The following GNB1L variants were observed in gnomAD, a reference collection of about 807,000 sequenced individuals.
GNB1L encodes G protein subunit beta 1 like.
GNB1L carries 20 observed loss-of-function variants against 29.1 expected under a neutral mutation model. That is an observed-to-expected ratio of 0.69 (90% CI 0.48 to 1.00). The LOEUF (loss-of-function observed/expected upper bound fraction) is 1.00, where lower values mean the gene tolerates loss of function less well. Among genes scored for constraint, GNB1L ranks in the 50% least tolerant of loss-of-function variants. The pLI is 0.00. For synonymous variants in GNB1L, 193 were observed against 206.5 expected (o/e 0.93, Z 0.56); for missense variants, 421 against 464.9 (o/e 0.91, Z 0.87).
rs1938172748 is a variant in GNB1L at position 19,853,931 on chromosome 22, CCA to C, written c.-21+510_-21+511del. 2.6e-5 allele frequency among the ~76,000 whole-genome samples: 4 copies of C among 152,298 alleles called. No individual in the cohort carries two copies. In the South Asian group the frequency reaches 8.3e-4, roughly 32 times the overall value. On this transcript the variant is annotated intron_variant, in intron 2 of 7. Transcript: ENST00000329517. ...AATGACCACACCCCATGCCCGGGAG[CCA>C]CAGTGTGCTACCCAGATCTCTGCCT...
intron 2 of GNB1L, among the ~76,000 whole-genome samples, chr22:19,821,666 C>G (rs1937580564): frequency 6.6e-6 from 1 of 152,218 alleles, no homozygotes; most frequent in African/African-American, 2.4e-5. Context: ...TCGCACCGTG[C>G]CTGTTGGCCT....
Position 19,852,501 on chromosome 22 carries a change from G to C in GNB1L, c.-21+1942C>G, listed in dbSNP as rs539099171. On this transcript the variant is annotated intron_variant, in intron 2 of 7. Coordinates refer to ENST00000329517, the MANE Select transcript of GNB1L (RefSeq NM_053004.3). ...TCCGAGGCAATCTGTCCAAAGACAAGGTGGGGAAGAGCAGGAACTAGGCCT... is the reference window on the plus strand; with the variant it reads ...TCCGAGGCAATCTGTCCAAAGACAACGTGGGGAAGAGCAGGAACTAGGCCT... The C allele has an allele frequency of 1.7e-4, 94 of 540,606 alleles. No homozygotes were observed. In the South Asian group the frequency reaches 2.5e-3, roughly 14 times the overall value. 33.5% of individuals were successfully genotyped at this position (540,606 alleles called of 1,614,324 possible).
At chr22:19,852,299 T>C (rs764831070) in intron 2 of GNB1L, 1 of 1,564,336 alleles carries the variant, frequency 6.4e-7, no homozygotes, top group Non-Finnish European at 8.7e-7. Context: ...GAGCCAGCAC[T>C]GGTGGGTGGT....
chr22:19,827,775 A>G (rs1056291259), intron 2 of GNB1L, among the ~76,000 whole-genome samples: 3 of 152,206 alleles, frequency 2.0e-5, no homozygotes, highest in East Asian at 1.9e-4. Context: ...TTGGAAAACA[A>G]TCTGACTCCA....
At chr22:19,843,559 C>A (rs937319503) in intron 2 of GNB1L, among the ~76,000 whole-genome samples, 1 of 152,212 alleles carries the variant, frequency 6.6e-6, no homozygotes, top group African/African-American at 2.4e-5. Flanking sequence ...GTATGCCCCC[C>A]AAGAACTCCT....
chr22:19,836,439 A>T (rs1370509457), intron 2 of GNB1L, among the ~76,000 whole-genome samples: 1 of 152,234 alleles, frequency 6.6e-6, no homozygotes, highest in African/African-American at 2.4e-5. Context: ...TTTACTGGCA[A>T]ATTCTACCAA....
intron 2 of GNB1L, among the ~76,000 whole-genome samples, chr22:19,853,213 C>CA (rs1938151123): frequency 6.6e-6 from 1 of 152,090 alleles, no homozygotes; most frequent in African/African-American, 2.4e-5. Context: ...CCAGCCACAG[C>CA]AGAGCATCCC....
Position 19,821,307 on chromosome 22 carries a change from G to A in GNB1L, c.49C>T (p.Arg17Ter), listed in dbSNP as rs1026246637. The change falls in exon 3 of 8, where the codon CGA becomes TGA. Residue 17 changes from arginine (R) to a stop codon, truncating the protein, a stop_gained. Transcript: ENST00000329517. LOFTEE classifies it high-confidence loss of function. ...PPPPDPQFVL[R>*]GTQSPVHALH... ...GCATGCACCGGTGACTGGGTGCCTC[G>A]GAGGACAAACTGGGGGTCTGGAGGT... 14 of 1,613,000 alleles carry A rather than the reference G, an allele frequency of 8.7e-6. No individual in the cohort carries two copies. The highest frequency in any genetic ancestry group is 4.5e-5 in the East Asian group (2 of 44,894).
Position 19,820,588 on chromosome 22 carries a change from G to A in GNB1L, c.254+10C>T. 1 of 1,609,892 alleles carries A rather than the reference G, an allele frequency of 6.2e-7. No individual in the cohort carries two copies. The highest frequency in any genetic ancestry group is 8.5e-7 in the Non-Finnish European group (1 of 1,178,218). ...AGGCCATACCTGGCTCCTGCACCTT[G>A]GAGACCCACCTGAGGAGCTGGCGCC... On this transcript the variant is annotated intron_variant, in intron 4 of 7. Coordinates refer to ENST00000329517, the MANE Select transcript of GNB1L (RefSeq NM_053004.3).
At chr22:19,810,111 A>C (rs1458044512) in intron 5 of GNB1L, among the ~76,000 whole-genome samples, 1 of 152,218 alleles carries the variant, frequency 6.6e-6, no homozygotes, top group Non-Finnish European at 1.5e-5. Flanking sequence ...TATATCAGGA[A>C]GATGGGCTAG....
chr22:19,812,986 C>T (rs764191514), intron 4 of GNB1L, among the ~76,000 whole-genome samples: 1 of 152,198 alleles, frequency 6.6e-6, no homozygotes, highest in Non-Finnish European at 1.5e-5. Flanking sequence ...CCTCTCCACG[C>T]GTACACCTGG....
intron 2 of GNB1L, among the ~76,000 whole-genome samples, chr22:19,845,467 G>C (rs1937941081): frequency 6.6e-6 from 1 of 152,228 alleles, no homozygotes; most frequent in Admixed American, 6.5e-5. Context: ...AGGGGGCAGG[G>C]GAGTCAGATG....
chr22:19,823,695 A>T (rs1465074397), intron 2 of GNB1L, among the ~76,000 whole-genome samples: 2 of 152,120 alleles, frequency 1.3e-5, no homozygotes, highest in East Asian at 3.8e-4. Context: ...CATTAGACAC[A>T]CGCTATGCTC....
rs1434014469 is a variant in GNB1L, at chr22:19,816,891, C to A, written c.254+3707G>T. Among the ~76,000 whole-genome samples, 1 of 152,200 alleles carries A rather than the reference C, an allele frequency of 6.6e-6. No homozygotes were observed. The highest frequency in any genetic ancestry group is 2.1e-4 in the South Asian group (1 of 4,836). The stretch of plus-strand genomic sequence containing the variant: ...GGCTGCCGCTGCCACACCACCCCCC[C>A]AACCCTGCTTCTTTGACTGCCTGGC... On this transcript the variant is annotated intron_variant, in intron 4 of 7. Transcript: ENST00000329517. The surrounding 1 kb of genome is among the most constrained non-coding windows in gnomAD (Gnocchi z 4.4).
chr22:19,851,441 G>A (rs907911373), intron 2 of GNB1L: 2 of 1,614,046 alleles, frequency 1.2e-6, no homozygotes, highest in Non-Finnish European at 8.5e-7. Context: ...TGTAGAACTG[G>A]GCAGGACTGG....
At chr22:19,821,508 A>G (rs762052772) in intron 2 of GNB1L, 133 bp from the exon 3 acceptor site, 17 of 856,268 alleles carry the variant, frequency 2.0e-5, no homozygotes, top group Non-Finnish European at 3.1e-5. Flanking sequence ...CCTGGGAGAG[A>G]GGTGCCACTG....
chr22:19,852,191 G>C (rs760300855), intron 2 of GNB1L: 1 of 1,613,810 alleles, frequency 6.2e-7, no homozygotes, highest in Non-Finnish European at 8.5e-7. Flanking sequence ...CCATGGATGT[G>C]CGTTGGCATA....
rs41298868 is a variant in GNB1L at position 19,784,706 on chromosome 22, C to T, written c.*4003G>A. ...TGGAGGCAGGGCCTCACCAGGCAGACGTGCCAGGACCCGCGTCCCTGCACA... is the reference window on the plus strand; with the variant it reads ...TGGAGGCAGGGCCTCACCAGGCAGATGTGCCAGGACCCGCGTCCCTGCACA... On this transcript the variant is annotated 3_prime_UTR_variant, in exon 8 of 8. Transcript: ENST00000329517. 4,158 of 152,384 alleles carry T rather than the reference C, an allele frequency of 0.027. 161 individuals are homozygous for T. Among genetic ancestry groups the T allele is most frequent in the African/African-American group, 0.087 (3,623 of 41,570 alleles). The allele number at this position is 152,384 out of a possible 1,614,324, so 9.4% of individuals were successfully genotyped here.
intron 2 of GNB1L, chr22:19,846,947 CCCTCCCAT>C (rs1367273821): frequency 3.0e-6 from 3 of 985,336 alleles, no homozygotes; most frequent in East Asian, 1.1e-4. Flanking sequence ...GGATGCAGGC[CCCTCCCAT>C]CCTCCCATCC....
Sources: allele counts gnomAD v4.1 joint callset (sites outside exome capture counted in the v4.1 genomes callset), GRCh38; gene constraint gnomAD v4.1.1; non-coding constraint Gnocchi (gnomAD v3.1); transcripts MANE v1.5; gene names NCBI Gene and HGNC (gene_info 2026-07-23, HGNC 2026-07-21).